Variants in DPF1 observed in about 807,000 individuals in gnomAD.
The protein encoded by DPF1 is double PHD fingers 1.
In DPF1, 14 loss-of-function variants were observed where a neutral mutation model predicts 58.7. The ratio of observed to expected loss-of-function variants is 0.24; its 90% CI spans 0.16 to 0.37. The LOEUF is 0.37. Among genes scored for constraint, DPF1 ranks in the 10% least tolerant of loss-of-function variants. The pLI is 1.00. For missense variants in DPF1, 345 were observed against 529.9 expected (o/e 0.65, Z 3.43); for synonymous variants, 216 against 216.0 (o/e 1.00, Z 0.00).
At chr19:38,227,965 A>T (rs1371292279), upstream of DPF1, 4 of 152,318 alleles carry the variant, frequency 2.6e-5, no homozygotes, top group Non-Finnish European at 5.9e-5. Context: ...GCCCCTGCTC[A>T]CGGCTGTAGC....
upstream of DPF1, among the ~76,000 whole-genome samples, chr19:38,224,886 T>C (rs1010210186): frequency 3.9e-5 from 6 of 152,142 alleles, no homozygotes; most frequent in Non-Finnish European, 7.4e-5. The surrounding 1 kb of genome is among the most constrained non-coding windows in gnomAD (Gnocchi z 4.5). Flanking sequence ...TCCTCATCTG[T>C]AAAAAGAGGA....
rs760545915 is a variant in DPF1, at chr19:38,222,491, G to A, written c.191-27C>T. On this transcript the variant is annotated intron_variant, in intron 2 of 11. Coordinates refer to ENST00000355526, the MANE Select transcript of DPF1 (RefSeq NM_001135155.3). The surrounding 1 kb of genome is among the most constrained non-coding windows in gnomAD (Gnocchi z 4.9). ...TGGAGAGAGAGGGGGGTGAGAGGGC[G>A]GCGGCGGTGGGGCGGCCTGGCCCCG... The A allele has an allele frequency of 2.5e-6, 4 of 1,580,716 alleles. No individual in the cohort carries two copies. Among genetic ancestry groups the A allele is most frequent in the Admixed American group, 3.9e-5 (2 of 51,010 alleles).
chr19:38,227,234 G>A (rs1208348521), upstream of DPF1, among the ~76,000 whole-genome samples: 5 of 151,714 alleles, frequency 3.3e-5, no homozygotes, highest in East Asian at 1.9e-4. Context: ...CTGTGCCACC[G>A]CACCCGGCTA....
chr19:38,228,486 C>T (rs568230632), upstream of DPF1, among the ~76,000 whole-genome samples: 949 of 150,958 alleles, frequency 6.3e-3, 12 homozygotes, highest in African/African-American at 0.022. Flanking sequence ...GAGGTCGCCC[C>T]GGCCCCTTTG....
In DPF1 at chr19:38,229,480, C is replaced by G. The variant is rs1459994084; in HGVS notation, c.-132+79G>C. On this transcript the variant is annotated intron_variant, in intron 1 of 11. Coordinates refer to the DPF1 transcript ENST00000412732. This position sits in a 1 kb window ranked among gnomAD's most constrained non-coding sequence, Gnocchi z 5.3. ...TACGGTCCGCGCGCTGCGTCCCCCT[C>G]CTCAGCCCCAGGGCGGGCGGGGGAA... is the stretch of plus-strand genomic sequence containing the variant. 1.1e-6 allele frequency: 1 copy of G among 891,974 alleles called. No homozygotes were observed. The highest frequency in any genetic ancestry group is 1.8e-5 in the African/African-American group (1 of 56,236). 55.3% of individuals were successfully genotyped at this position (891,974 alleles called of 1,614,324 possible).
chr19:38,212,026 C>T lies in DPF1; in HGVS notation c.*37G>A. ...TGAGGAGCTCGGAGAGGCAGGTAGG[C>T]GAGCACCACCCCAGAGTCGCGGCGA... On this transcript the variant is annotated 3_prime_UTR_variant, in exon 12 of 12. Transcript: ENST00000355526. The T allele has an allele frequency of 2.5e-6, 4 of 1,595,242 alleles. No individual in the cohort carries two copies. The highest frequency in any genetic ancestry group is 3.4e-6 in the Non-Finnish European group (4 of 1,172,694).
At chr19:38,219,752 G>A (rs1448633713) in intron 3 of DPF1, 1 of 152,472 alleles carries the variant, frequency 6.6e-6, no homozygotes, top group Non-Finnish European at 1.5e-5. Context: ...CTTCCAAAGT[G>A]CTGGAATTAC....
At chr19:38,225,065 A>G (rs188936338), upstream of DPF1, among the ~76,000 whole-genome samples, 4 of 152,282 alleles carry the variant, frequency 2.6e-5, no homozygotes, top group East Asian at 7.7e-4. Context: ...AGCCTGGCCA[A>G]CATGGTAGTA....
At position 38,217,573 on chromosome 19, in the gene DPF1, T is replaced by TTA; in HGVS notation, c.612_613dup (p.Lys205IlefsTer106). The TTA allele has an allele frequency of 6.4e-7, 1 of 1,550,860 alleles. No individual in the cohort carries two copies. Among genetic ancestry groups the TTA allele is most frequent in the Non-Finnish European group, 8.7e-7 (1 of 1,146,494 alleles). On this transcript the variant is annotated frameshift_variant, in exon 7 of 12. Transcript: ENST00000355526. LOFTEE classifies it high-confidence loss of function. ...GTGGTAGCTGAGCCCCGGCCGGTTC[T>TTA]TATACCGTTTCCCACAGACTGGGGA...
At chr19:38,221,748 A>G (rs1451963881) in intron 3 of DPF1, among the ~76,000 whole-genome samples, 1 of 151,984 alleles carries the variant, frequency 6.6e-6, no homozygotes, top group East Asian at 1.9e-4. Flanking sequence ...TCAGGAGTTC[A>G]AGACCAGACT....
At position 38,219,074 on chromosome 19, in the gene DPF1, T is replaced by TG. The variant is rs754640668; in HGVS notation, c.299-17dup. On this transcript the variant is annotated splice_polypyrimidine_tract_variant and intron_variant, in intron 3 of 11. Coordinates refer to ENST00000355526, the MANE Select transcript of DPF1 (RefSeq NM_001135155.3). ...GCTTCACAGTCTGGGGACAGGGCCATGGGGGGGTCAGATGGGGAAGTTGAC... is the reference window on the plus strand; with the variant it reads ...GCTTCACAGTCTGGGGACAGGGCCATGGGGGGGGTCAGATGGGGAAGTTGAC... 4 of 1,612,636 alleles carry TG rather than the reference T, an allele frequency of 2.5e-6. No homozygotes were observed. Among genetic ancestry groups the TG allele is most frequent in the South Asian group, 1.1e-5 (1 of 91,044 alleles).
rs571297388 is a variant in DPF1, at chr19:38,218,474, C to T, written c.516+99G>A. 1.4e-4 allele frequency: 180 copies of T among 1,280,788 alleles called. No individual in the cohort carries two copies. The African/African-American group carries it at 2.3e-3, about 16-fold the overall frequency. 79.3% of individuals were successfully genotyped at this position (1,280,788 alleles called of 1,614,324 possible). A position where few individuals can be genotyped will look rare whatever the true frequency, so the allele number is the denominator to read the frequency against. On this transcript the variant is annotated intron_variant, in intron 5 of 11. Transcript: ENST00000355526. ...GCTCTGGGGATTCAATGAGGTCAGA[C>T]TGAGGTCAGACTGTGGCAGGGGCGG...
chr19:38,218,893 G>A (rs775152646), intron 4 of DPF1, 38 bp downstream of exon 4: 72 of 1,611,010 alleles, frequency 4.5e-5, no homozygotes, highest in Non-Finnish European at 5.5e-5. Context: ...GGGGTGAGAC[G>A]AAGCCATGCA....
chr19:38,223,893 A>C, intron 1 of DPF1: 2 of 475,256 alleles, frequency 4.2e-6, no homozygotes, highest in Non-Finnish European at 3.4e-6. Flanking sequence ...CCCAAAAAGA[A>C]TCTGGAGGCC....
intron 7 of DPF1, among the ~76,000 whole-genome samples, chr19:38,216,733 G>C (rs911456517): frequency 2.0e-5 from 3 of 152,178 alleles, no homozygotes; most frequent in Non-Finnish European, 4.4e-5. Context: ...CACCCAGCCA[G>C]GATTCCCAAC....
Position 38,221,641 on chromosome 19 carries a change from A to G in DPF1, c.298+716T>C, listed in dbSNP as rs538999070. On this transcript the variant is annotated intron_variant, in intron 3 of 11. Transcript: ENST00000355526. Reference sequence around the variant, plus strand: ...CCACACACACCTAACAGATATCACTATGCCCTCCAATACCACTGGGACCCT... The same window carrying G: ...CCACACACACCTAACAGATATCACTGTGCCCTCCAATACCACTGGGACCCT... Among the ~76,000 whole-genome samples the G allele has an allele frequency of 1.3e-4, 20 of 151,988 alleles. 1 individual carries two copies. Among genetic ancestry groups the G allele is most frequent in the African/African-American group, 4.3e-4 (18 of 41,472 alleles).
Position 38,219,066 on chromosome 19 carries a change from C to G in DPF1, c.299-8G>C, listed in dbSNP as rs1428932714. The G allele has an allele frequency of 6.2e-7, 1 of 1,613,588 alleles. No individual in the cohort carries two copies. The highest frequency in any genetic ancestry group is 1.3e-5 in the African/African-American group (1 of 75,034). Reference sequence around the variant, plus strand: ...TCAGGGGTGCTTCACAGTCTGGGGACAGGGCCATGGGGGGGTCAGATGGGG... The same window carrying G: ...TCAGGGGTGCTTCACAGTCTGGGGAGAGGGCCATGGGGGGGTCAGATGGGG... On this transcript the variant is annotated splice_region_variant and splice_polypyrimidine_tract_variant and intron_variant, in intron 3 of 11. Coordinates refer to ENST00000355526, the MANE Select transcript of DPF1 (RefSeq NM_001135155.3).
chr19:38,216,112 C>G (rs777193636), intron 9 of DPF1, 28 bp downstream of exon 9: 1 of 1,593,810 alleles, frequency 6.3e-7, no homozygotes, highest in Non-Finnish European at 8.6e-7. Context: ...GCACCCGGCC[C>G]CCAGAAACCT....
At chr19:38,216,020 G>T in intron 9 of DPF1, 120 bp downstream of exon 9, 1 of 1,467,888 alleles carries the variant, frequency 6.8e-7, no homozygotes, top group Non-Finnish European at 9.0e-7. Context: ...GTTATCCACA[G>T]TATCCCCTAC....
Sources: allele counts gnomAD v4.1 joint callset (sites outside exome capture counted in the v4.1 genomes callset), GRCh38; gene constraint gnomAD v4.1.1; non-coding constraint Gnocchi (gnomAD v3.1); transcripts MANE v1.5; gene names NCBI Gene and HGNC (gene_info 2026-07-23, HGNC 2026-07-21).